Variants in SLC9B1 observed in about 807,000 individuals in gnomAD.
SLC9B1 encodes sodium/hydrogen exchanger 9B1.
In SLC9B1, 32 loss-of-function variants were observed where a neutral mutation model predicts 51.7. That is an observed-to-expected ratio of 0.62 (90% CI 0.47 to 0.83). The LOEUF (loss-of-function observed/expected upper bound fraction) is 0.83, where lower values mean the gene tolerates loss of function less well. Among genes scored for constraint, SLC9B1 ranks in the 40% least tolerant of loss-of-function variants. The pLI is 0.00. For synonymous variants in SLC9B1, 145 were observed against 212.7 expected, an observed-to-expected ratio of 0.68 and a Z score of 2.77; for missense variants, 406 against 613.2, an observed-to-expected ratio of 0.66 and a Z score of 3.57.
intron 1 of SLC9B1, among the ~76,000 whole-genome samples, chr4:103,004,477 G>A (rs1294149647): frequency 1.3e-5 from 2 of 152,176 alleles, no homozygotes; most frequent in Non-Finnish European, 2.9e-5. Flanking sequence ...CAGAAAGAGA[G>A]GGAGAAAGAG....
chr4:103,007,926 C>T (rs946352833), intron 1 of SLC9B1, among the ~76,000 whole-genome samples: 49 of 152,104 alleles, frequency 3.2e-4, no homozygotes, highest in African/African-American at 1.2e-3. Context: ...AGCAGAATCA[C>T]ATTTGAGGAC....
In SLC9B1 at chr4:102,949,208, A is replaced by G. The variant is rs374662168; in HGVS notation, c.382+49T>C. The G allele has an allele frequency of 1.6e-4, 223 of 1,367,276 alleles. No homozygotes were observed. In the African/African-American group the frequency reaches 2.8e-3, roughly 17 times the overall value. 84.7% of individuals were successfully genotyped at this position (1,367,276 alleles called of 1,614,324 possible). A position where few individuals can be genotyped will look rare whatever the true frequency, so the allele number is the denominator to read the frequency against. ...CTAATTCAACAAGAAAATGTTCAAC[A>G]TTTGCATATAGTCAATAATAAAGAA... On this transcript the variant is annotated intron_variant, in intron 4 of 11. Coordinates refer to ENST00000296422, the MANE Select transcript of SLC9B1 (RefSeq NM_139173.4).
chr4:102,991,539 A>T, intron 2 of SLC9B1, 104 bp downstream of exon 2: 1 of 716,812 alleles, frequency 1.4e-6, no homozygotes, highest in Non-Finnish European at 2.1e-6. Context: ...TTTCATTTTT[A>T]ACCAGATATA....
intron 6 of SLC9B1, among the ~76,000 whole-genome samples, chr4:102,937,942 T>C (rs1391877357): frequency 1.3e-5 from 2 of 152,034 alleles, no homozygotes; most frequent in African/African-American, 2.4e-5. Flanking sequence ...ACATAGAACA[T>C]TGACATTGTA....
intron 3 of SLC9B1, among the ~76,000 whole-genome samples, chr4:102,979,115 T>C (rs1230148569): frequency 6.6e-6 from 1 of 152,212 alleles, no homozygotes; most frequent in Non-Finnish European, 1.5e-5. Flanking sequence ...AAAAGCATTA[T>C]AATGTAAAAC....
At chr4:103,015,502 C>T (rs1384600473) in intron 1 of SLC9B1, among the ~76,000 whole-genome samples, 1 of 152,146 alleles carries the variant, frequency 6.6e-6, no homozygotes, top group Non-Finnish European at 1.5e-5. Context: ...CTTTCAGTTC[C>T]TTGATCTCCT....
chr4:102,939,293 G>A lies in SLC9B1; in HGVS notation c.653+5900C>T, dbSNP rs1464068520. Among the ~76,000 whole-genome samples the A allele has an allele frequency of 2.0e-5, 3 of 150,660 alleles. No individual in the cohort carries two copies. The South Asian group carries it at 6.3e-4, about 32-fold the overall frequency. On this transcript the variant is annotated intron_variant, in intron 6 of 11. Coordinates refer to ENST00000296422, the MANE Select transcript of SLC9B1 (RefSeq NM_139173.4). ...CAAAGTAGAACACCTATGAGAAATT[G>A]GTAAATTTCTGGAAACATACAACTT...
rs151223492 is a variant in SLC9B1 at position 102,885,406 on chromosome 4, T to C, written c.1333-78A>G. 101 of 1,614,000 alleles carry C rather than the reference T, an allele frequency of 6.3e-5. No homozygotes were observed. The African/African-American group carries it at 1.2e-3, about 19-fold the overall frequency. On this transcript the variant is annotated intron_variant, in intron 11 of 11. Coordinates refer to the SLC9B1 transcript ENST00000394789. ...ATTTGTGTCTTACTAAAGCAGCTTATTGTAGGTGTTGGCGTTCTAAAACGG... is the reference window on the plus strand; with the variant it reads ...ATTTGTGTCTTACTAAAGCAGCTTACTGTAGGTGTTGGCGTTCTAAAACGG...
At chr4:102,985,656 T>C (rs919195486) in intron 3 of SLC9B1, among the ~76,000 whole-genome samples, 1 of 152,062 alleles carries the variant, frequency 6.6e-6, no homozygotes. Context: ...CTTGAGTAGC[T>C]GGGATTACAG....
At chr4:102,984,375 C>A (rs1465767978) in intron 3 of SLC9B1, among the ~76,000 whole-genome samples, 1 of 152,158 alleles carries the variant, frequency 6.6e-6, no homozygotes, top group Non-Finnish European at 1.5e-5. Context: ...CTCGGCCTAG[C>A]AGAGTACTGG....
intron 3 of SLC9B1, among the ~76,000 whole-genome samples, chr4:102,950,781 C>T (rs1425401655): frequency 6.6e-6 from 1 of 152,114 alleles, no homozygotes; most frequent in Admixed American, 6.6e-5. Flanking sequence ...ATCACCTGAG[C>T]TCAGGAGTTC....
At chr4:102,917,305 C>T (rs1735623947) in intron 7 of SLC9B1, among the ~76,000 whole-genome samples, 1 of 152,026 alleles carries the variant, frequency 6.6e-6, no homozygotes, top group South Asian at 2.1e-4. Flanking sequence ...ATGCTTTAGG[C>T]TTCTCTCATT....
At chr4:102,934,220 A>G (rs1736603815) in intron 6 of SLC9B1, among the ~76,000 whole-genome samples, 2 of 152,260 alleles carry the variant, frequency 1.3e-5, no homozygotes. Context: ...CAAAAGATCA[A>G]GTAAACTTAA....
chr4:102,966,358 C>A (rs1738429960), intron 3 of SLC9B1, among the ~76,000 whole-genome samples: 1 of 152,246 alleles, frequency 6.6e-6, no homozygotes, highest in Non-Finnish European at 1.5e-5. Context: ...CTCTTGTATT[C>A]TGCACATCTG....
In SLC9B1 at chr4:102,987,255, T is replaced by G. The variant is rs753833006; in HGVS notation, c.211+2545A>C. Among the ~76,000 whole-genome samples the G allele has an allele frequency of 2.6e-5, 4 of 152,126 alleles. 1 individual carries two copies. The highest frequency in any genetic ancestry group is 6.8e-3 in the Middle Eastern group (2 of 294). ...GCAGGATGGTTAGAGGAGGCCAGAG[T>G]TGGATATTTTCCTTCAACTATGTGG... is the stretch of plus-strand genomic sequence containing the variant. On this transcript the variant is annotated intron_variant, in intron 3 of 11. Coordinates refer to ENST00000296422, the MANE Select transcript of SLC9B1 (RefSeq NM_139173.4).
At chr4:102,924,504 A>T (rs1367928460) in intron 7 of SLC9B1, among the ~76,000 whole-genome samples, 1 of 152,106 alleles carries the variant, frequency 6.6e-6, no homozygotes, top group African/African-American at 2.4e-5. Context: ...TGGGCAAAGA[A>T]TTAATGACTA....
intron 7 of SLC9B1, among the ~76,000 whole-genome samples, chr4:102,918,901 T>A (rs569035564): frequency 6.6e-6 from 1 of 152,184 alleles, no homozygotes; most frequent in East Asian, 1.9e-4. Flanking sequence ...CAAAAAAAAA[T>A]ACAAATGGCC....
At chr4:102,912,011 T>C in intron 7 of SLC9B1, 2 of 197,572 alleles carry the variant, frequency 1.0e-5, no homozygotes, top group Non-Finnish European at 2.1e-5. Context: ...CACACACCTG[T>C]GGTCCCAGGT....
chr4:102,956,349 G>A (rs1434769636), intron 3 of SLC9B1, among the ~76,000 whole-genome samples: 1 of 150,940 alleles, frequency 6.6e-6, no homozygotes, highest in Non-Finnish European at 1.5e-5. Flanking sequence ...CTGGAAAGGA[G>A]AGAATAATAG....
Sources: gnomAD v4.1 joint callset for allele counts (sites outside exome capture counted in the v4.1 genomes callset) on GRCh38, gnomAD v4.1.1 for gene constraint, MANE v1.5 for transcripts, NCBI Gene and HGNC (gene_info 2026-07-23, HGNC 2026-07-21) for gene names.